Variants in PCSK1 observed in about 807,000 individuals in gnomAD.
The protein encoded by PCSK1 is proprotein convertase subtilisin/kexin type 1.
A neutral mutation model predicts 90.6 loss-of-function variants in PCSK1; 56 were observed. The ratio of observed to expected loss-of-function variants is 0.62; its 90% CI spans 0.50 to 0.77. The LOEUF is 0.77. Ranked by LOEUF, PCSK1 falls within the 30% of genes least tolerant of loss-of-function variation. PCSK1 has a pLI of 0.00. For synonymous variants in PCSK1, 348 were observed against 342.4 expected (o/e 1.02, Z -0.18); for missense variants, 801 against 932.6 (o/e 0.86, Z 1.84).
intron 6 of PCSK1, among the ~76,000 whole-genome samples, chr5:96,415,773 G>A (rs1015987457): frequency 2.7e-5 from 4 of 149,828 alleles, no homozygotes; most frequent in African/African-American, 1.0e-4. Context: ...GAGAAAATTA[G>A]ATTTGGTTCA....
intron 1 of PCSK1, among the ~76,000 whole-genome samples, chr5:96,430,065 G>T (rs991811683): frequency 6.6e-6 from 1 of 152,172 alleles, no homozygotes; most frequent in Non-Finnish European, 1.5e-5. Context: ...TGTAGCCATT[G>T]AATTCATAGT....
chr5:96,424,102 A>T lies in PCSK1; in HGVS notation c.397-643T>A, dbSNP rs138110047. On this transcript the variant is annotated intron_variant, in intron 3 of 13. Coordinates refer to ENST00000311106, the MANE Select transcript of PCSK1 (RefSeq NM_000439.5). Reference sequence around the variant, plus strand: ...ACTGTACAGGAGATAAGTACAGGGTAGCAAGGGAACACAGATATAAGCACA... The same window carrying T: ...ACTGTACAGGAGATAAGTACAGGGTTGCAAGGGAACACAGATATAAGCACA... 1.9e-3 allele frequency among the ~76,000 whole-genome samples: 287 copies of T among 152,378 alleles called. 1 individual carries two copies. The highest frequency in any genetic ancestry group is 6.6e-3 in the African/African-American group (274 of 41,592).
At chr5:96,432,231 A>T in intron 1 of PCSK1, 1 of 1,002,090 alleles carries the variant, frequency 1.0e-6, no homozygotes, top group Non-Finnish European at 1.5e-6. Context: ...AGTCGCGGGG[A>T]TAGATGGTCC....
Position 96,425,008 on chromosome 5 carries a change from A to AG in PCSK1, c.396+811_396+812insC, listed in dbSNP as rs1474027238. ...AAGAAAGAAAGAAAGAGAAAGAAAG[A>AG]AAAGAAAGAAAGAAAGAAAGAAAGA... On this transcript the variant is annotated intron_variant, in intron 3 of 13. Transcript: ENST00000311106. 2.1e-3 allele frequency among the ~76,000 whole-genome samples: 244 copies of AG among 117,488 alleles called. 1 individual carries two copies. The highest frequency in any genetic ancestry group is 7.3e-3 in the African/African-American group (222 of 30,268). The allele number at this position is 117,488 out of a possible 152,430, so 77.1% of individuals were successfully genotyped here.
intron 4 of PCSK1, among the ~76,000 whole-genome samples, chr5:96,422,272 GA>G (rs1236867305): frequency 6.6e-6 from 1 of 152,102 alleles, no homozygotes; most frequent in Non-Finnish European, 1.5e-5. Flanking sequence ...TCAGTTTTCA[GA>G]TGAGAAAATT....
intron 13 of PCSK1, 59 bp downstream of exon 13, chr5:96,394,805 T>A (rs1760072874): frequency 6.5e-7 from 1 of 1,530,160 alleles, no homozygotes; most frequent in Admixed American, 1.7e-5. Context: ...ACAGCTTCAC[T>A]GACTACATTG....
chr5:96,429,532 T>C (rs1248225957), intron 1 of PCSK1, among the ~76,000 whole-genome samples: 1 of 152,186 alleles, frequency 6.6e-6, no homozygotes, highest in South Asian at 2.1e-4. Context: ...GGTATTTTTG[T>C]ACAGATTATT....
chr5:96,430,374 TG>T (rs1217077084), intron 1 of PCSK1, among the ~76,000 whole-genome samples: 1 of 152,222 alleles, frequency 6.6e-6, no homozygotes, highest in Non-Finnish European at 1.5e-5. Context: ...TTCTTTAAAT[TG>T]GTGATTCTCA....
At chr5:96,399,860 G>A in intron 10 of PCSK1, 93 bp downstream of exon 10, 1 of 935,842 alleles carries the variant, frequency 1.1e-6, no homozygotes, top group Non-Finnish European at 1.7e-6. Flanking sequence ...TACTTCAGAA[G>A]GGTAGATACA....
intron 13 of PCSK1, 95 bp downstream of exon 13, chr5:96,394,769 A>G: frequency 9.2e-7 from 1 of 1,083,732 alleles, no homozygotes; most frequent in Non-Finnish European, 1.4e-6. Context: ...TCCATGTTTG[A>G]CTTATTTCCT....
At chr5:96,408,093 G>C in intron 9 of PCSK1, 130 bp downstream of exon 9, 1 of 712,114 alleles carries the variant, frequency 1.4e-6, no homozygotes, top group South Asian at 1.5e-5. Context: ...CGAAGTGGCA[G>C]GAAAGAGCTT....
chr5:96,392,217 C>G lies in PCSK1; in HGVS notation c.*784G>C, dbSNP rs920428707. 6.6e-6 allele frequency: 1 copy of G among 151,456 alleles called. No homozygotes were observed. The highest frequency in any genetic ancestry group is 6.6e-5 in the Admixed American group (1 of 15,218). The allele number at this position is 151,456 out of a possible 1,614,324, so 9.4% of individuals were successfully genotyped here. ...AAGTGGTATATATCATTTCTCCCAA[C>G]ATTTATTTTGTGGCTGAGAAAGGAG... is the stretch of plus-strand genomic sequence containing the variant. On this transcript the variant is annotated 3_prime_UTR_variant, in exon 14 of 14. Coordinates refer to ENST00000311106, the MANE Select transcript of PCSK1 (RefSeq NM_000439.5).
In PCSK1 at chr5:96,412,381, A is replaced by C; in HGVS notation, c.819T>G (p.Asp273Glu). Residue 273 changes from aspartate (D) to glutamate (E), a missense_variant, in exon 7 of 14, where the codon GAT becomes GAG. Asp to Glu is a conservative substitution (Grantham distance 45). Transcript: ENST00000311106. The stretch of plus-strand genomic sequence containing the variant: ...GGCCAGGCCCCTCCACAGTTTTCCC[A>C]TCATCATTAGGGCCCCAGCTTGCAC... The part of the protein sequence containing the change: ...IYSASWGPND[D>E]GKTVEGPGRL... The C allele has an allele frequency of 6.2e-7, 1 of 1,613,456 alleles. No homozygotes were observed.
chr5:96,398,761 A>C, intron 11 of PCSK1, 118 bp downstream of exon 11: 1 of 871,214 alleles, frequency 1.1e-6, no homozygotes, highest in Non-Finnish European at 1.9e-6. Context: ...CATGTTTTTT[A>C]AGACCTGAAA....
intron 5 of PCSK1, among the ~76,000 whole-genome samples, chr5:96,421,533 G>C (rs534754652): frequency 6.6e-6 from 1 of 152,186 alleles, no homozygotes; most frequent in South Asian, 2.1e-4. Flanking sequence ...AAAGCATGTT[G>C]CTAAGAGTAA....
At position 96,400,000 on chromosome 5, in the gene PCSK1, C is replaced by A. The variant is rs770185993; in HGVS notation, c.1383G>T (p.Val461=). Residue 461 remains valine (V), a synonymous_variant, in exon 10 of 14, where the codon GTG becomes GTT. Transcript: ENST00000311106. Reference sequence around the variant, plus strand: ...TTACAACACACTCTTTCTTCTCAGGCACGCTCCTCCAGGTCCTGGGGTCAG... The same window carrying A: ...TTACAACACACTCTTTCTTCTCAGGAACGCTCCTCCAGGTCCTGGGGTCAG... ...DLADPRTWRS[V]PEKKECVVKD... 1.2e-6 allele frequency: 2 copies of A among 1,614,216 alleles called. No homozygotes were observed. The highest frequency in any genetic ancestry group is 1.7e-6 in the Non-Finnish European group (2 of 1,180,014).
chr5:96,397,951 TTTAA>T (rs746263458), intron 11 of PCSK1, among the ~76,000 whole-genome samples: 4 of 151,950 alleles, frequency 2.6e-5, no homozygotes, highest in Non-Finnish European at 5.9e-5. Context: ...ATCATAATTA[TTTAA>T]TTAATGTATT....
In PCSK1 at chr5:96,392,732, T is replaced by G; in HGVS notation, c.*269A>C. 2.0e-6 allele frequency: 1 copy of G among 503,606 alleles called. No homozygotes were observed. Among genetic ancestry groups the G allele is most frequent in the East Asian group, 3.6e-5 (1 of 27,748 alleles). 31.2% of individuals were successfully genotyped at this position (503,606 alleles called of 1,614,324 possible). On this transcript the variant is annotated 3_prime_UTR_variant, in exon 14 of 14. Coordinates refer to ENST00000311106, the MANE Select transcript of PCSK1 (RefSeq NM_000439.5). ...GTTCTAATGTAGTGTAAGAGCTTTT[T>G]GTCAACTGTGACTCCAGAAAGAACA...
At chr5:96,403,778 A>C (rs1042029311) in intron 9 of PCSK1, among the ~76,000 whole-genome samples, 1 of 152,180 alleles carries the variant, frequency 6.6e-6, no homozygotes, top group Non-Finnish European at 1.5e-5. Context: ...TAGATCTTAA[A>C]ATTTTTCTAA....
Sources: gnomAD v4.1 joint callset for allele counts (sites outside exome capture counted in the v4.1 genomes callset) on GRCh38, gnomAD v4.1.1 for gene constraint, MANE v1.5 for transcripts, NCBI Gene and HGNC (gene_info 2026-07-23, HGNC 2026-07-21) for gene names.